Variants in LRRC3B observed in about 807,000 individuals in gnomAD.
LRRC3B encodes the protein leucine-rich repeat-containing protein 3B.
Under a neutral mutation model 12.8 loss-of-function variants are expected in LRRC3B, and 2 were observed. The observed-to-expected ratio is 0.16, with a 90% CI of 0.06 to 0.49. LRRC3B has a LOEUF of 0.49. Ranked by LOEUF, LRRC3B falls within the 20% of genes least tolerant of loss-of-function variation. The probability of loss-of-function intolerance (pLI) is 0.96; values close to 1 mark genes in which losing one functional copy is unlikely to be tolerated. For synonymous variants in LRRC3B, 132 were observed against 122.0 expected, an observed-to-expected ratio of 1.08 and a Z score of -0.54; for missense variants, 189 against 319.4, an observed-to-expected ratio of 0.59 and a Z score of 3.11.
At chr3:26,673,065 GT>G (rs2125434191) in intron 1 of LRRC3B, among the ~76,000 whole-genome samples, 1 of 152,250 alleles carries the variant, frequency 6.6e-6, no homozygotes, top group African/African-American at 2.4e-5. Flanking sequence ...GTATGTCAGT[GT>G]TGCCACATGA....
At chr3:26,699,184 T>TATGTG (rs1344339057) in intron 1 of LRRC3B, among the ~76,000 whole-genome samples, 1 of 152,186 alleles carries the variant, frequency 6.6e-6, no homozygotes, top group Non-Finnish European at 1.5e-5. Flanking sequence ...ATGAATACTG[T>TATGTG]ATGTGATGTG....
At chr3:26,683,014 A>T (rs73821186) in intron 1 of LRRC3B, among the ~76,000 whole-genome samples, 9,350 of 152,254 alleles carry the variant, frequency 0.061, 957 homozygotes, top group African/African-American at 0.21. Context: ...GCCAGTTTTT[A>T]AGTCCCGGAA....
chr3:26,659,445 G>A (rs755937717), intron 1 of LRRC3B, among the ~76,000 whole-genome samples: 3 of 152,138 alleles, frequency 2.0e-5, no homozygotes, highest in Non-Finnish European at 2.9e-5. Context: ...AACCTCTCAG[G>A]ATTTTTGGAA....
chr3:26,685,523 CTATATATATATATATATATATA>C (rs57407254), intron 1 of LRRC3B, among the ~76,000 whole-genome samples: 2 of 38,302 alleles, frequency 5.2e-5, no homozygotes, highest in South Asian at 1.2e-3. Context: ...CTCTCTCTCT[CTATATATATATATATATATATA>C]TATATATATA....
rs140731023 is a variant in LRRC3B, at chr3:26,660,995, C to T, written c.-161+37758C>T. Among the ~76,000 whole-genome samples, 399 of 152,138 alleles carry T rather than the reference C, an allele frequency of 2.6e-3. 2 individuals are homozygous for T. The highest frequency in any genetic ancestry group is 7.8e-3 in the African/African-American group (324 of 41,510). On this transcript the variant is annotated intron_variant, in intron 1 of 1. Coordinates refer to ENST00000396641, the Ensembl canonical transcript of LRRC3B. ...GAGTTACTTTTTAGATACTCTTGAC[C>T]ATTATTAATGTGTGATCATAATAGC...
chr3:26,648,163 G>A (rs536137814), intron 1 of LRRC3B, among the ~76,000 whole-genome samples: 3 of 152,016 alleles, frequency 2.0e-5, no homozygotes, highest in African/African-American at 7.2e-5. Flanking sequence ...CTTCAACCAA[G>A]ATGTAGTATG....
At chr3:26,668,850 C>T (rs1295134198) in intron 1 of LRRC3B, among the ~76,000 whole-genome samples, 1 of 152,100 alleles carries the variant, frequency 6.6e-6, no homozygotes. Context: ...GAATATCATG[C>T]TGGAATGCCT....
intron 1 of LRRC3B, among the ~76,000 whole-genome samples, chr3:26,680,227 T>G (rs1268655977): frequency 1.3e-5 from 2 of 152,124 alleles, no homozygotes; most frequent in Non-Finnish European, 2.9e-5. Context: ...GCCTTTCCAA[T>G]ACCACCTCTC....
chr3:26,636,244 A>G (rs975175563), intron 1 of LRRC3B, among the ~76,000 whole-genome samples: 1 of 151,366 alleles, frequency 6.6e-6, no homozygotes, highest in Non-Finnish European at 1.5e-5. Context: ...TTTAAAAAAA[A>G]GAGAGAGAAT....
intron 1 of LRRC3B, among the ~76,000 whole-genome samples, chr3:26,671,373 T>TATATAGAG (rs1261897533): frequency 5.0e-4 from 14 of 28,254 alleles, no homozygotes; most frequent in Admixed American, 1.4e-3. Context: ...TATATATATA[T>TATATAGAG]AGAGAGAGAG....
rs1488405612 is a variant in LRRC3B at position 26,636,856 on chromosome 3, C to CCCTCCCTT, written c.-161+13626_-161+13627insTCCTCCCT. ...TCCCTCCCTGCCTCCCTCCCTCCCT[C>CCCTCCCTT]CCTCCCTCCCTTCCTTCCTTCCTTC... is the stretch of plus-strand genomic sequence containing the variant. On this transcript the variant is annotated intron_variant, in intron 1 of 1. Coordinates refer to ENST00000396641, the Ensembl canonical transcript of LRRC3B. 3.4e-4 allele frequency among the ~76,000 whole-genome samples: 32 copies of CCCTCCCTT among 94,572 alleles called. 6 individuals carry two copies. Among genetic ancestry groups the CCCTCCCTT allele is most frequent in the African/African-American group, 1.1e-3 (22 of 19,724 alleles). The allele number at this position is 94,572 out of a possible 152,430, so 62.0% of individuals were successfully genotyped here. A position where few individuals can be genotyped will look rare whatever the true frequency, so the allele number is the denominator to read the frequency against.
At chr3:26,670,512 T>C (rs1191364711) in intron 1 of LRRC3B, among the ~76,000 whole-genome samples, 1 of 152,206 alleles carries the variant, frequency 6.6e-6, no homozygotes, top group Non-Finnish European at 1.5e-5. Context: ...ATCTACAAAA[T>C]GGAGCTAAGG....
chr3:26,660,227 A>G (rs773510861), intron 1 of LRRC3B, among the ~76,000 whole-genome samples: 1 of 152,198 alleles, frequency 6.6e-6, no homozygotes, highest in Non-Finnish European at 1.5e-5. Flanking sequence ...TGCAGGTAGT[A>G]GAGTTGCCCC....
intron 1 of LRRC3B, among the ~76,000 whole-genome samples, chr3:26,657,493 A>G (rs1056259900): frequency 2.6e-5 from 4 of 152,198 alleles, no homozygotes; most frequent in Admixed American, 2.6e-4. Context: ...TACAACTCCC[A>G]TGTCTCTCCT....
chr3:26,626,994 G>C (rs1698641188), intron 1 of LRRC3B, among the ~76,000 whole-genome samples: 1 of 152,156 alleles, frequency 6.6e-6, no homozygotes, highest in Admixed American at 6.5e-5. Flanking sequence ...CTGGATTCTT[G>C]ACTTTTCATT....
At chr3:26,706,469 A>AAAT in intron 1 of LRRC3B, among the ~76,000 whole-genome samples, 1 of 152,340 alleles carries the variant, frequency 6.6e-6, no homozygotes, top group African/African-American at 2.4e-5. Flanking sequence ...ACATAATAGA[A>AAAT]AATGAAACAG....
At chr3:26,644,341 G>C (rs1428766839) in intron 1 of LRRC3B, among the ~76,000 whole-genome samples, 1 of 152,204 alleles carries the variant, frequency 6.6e-6, no homozygotes, top group Non-Finnish European at 1.5e-5. Flanking sequence ...TATGTCAGAA[G>C]TGTTTTTATT....
intron 1 of LRRC3B, among the ~76,000 whole-genome samples, chr3:26,687,076 C>T (rs1700103438): frequency 6.6e-6 from 1 of 152,158 alleles, no homozygotes; most frequent in African/African-American, 2.4e-5. Context: ...TGGTGCCTCA[C>T]AATGTCCACC....
intron 1 of LRRC3B, among the ~76,000 whole-genome samples, chr3:26,632,040 C>T (rs891338859): frequency 2.6e-5 from 4 of 152,214 alleles, no homozygotes; most frequent in African/African-American, 9.7e-5. Context: ...TAGATGGACA[C>T]TCTGCAGTCC....
Sources: allele counts gnomAD v4.1 joint callset (sites outside exome capture counted in the v4.1 genomes callset), GRCh38; gene constraint gnomAD v4.1.1; transcripts MANE v1.5; gene names NCBI Gene and HGNC (gene_info 2026-07-23, HGNC 2026-07-21).